The following MYO5B variants were observed in gnomAD, a reference collection of about 807,000 sequenced individuals.
MYO5B encodes unconventional myosin-Vb.
MYO5B carries 143 observed loss-of-function variants against 229.3 expected under a neutral mutation model. The observed-to-expected ratio is 0.62, with a 90% CI of 0.54 to 0.72. MYO5B has a LOEUF of 0.72. MYO5B is among the 30% of genes least tolerant of loss of function. MYO5B has a pLI of 0.00. For synonymous variants in MYO5B, 918 were observed against 885.2 expected (o/e 1.04, Z -0.66); for missense variants, 2,321 against 2,331.0 (o/e 1.00, Z 0.09).
chr18:49,937,390 A>G lies in MYO5B; in HGVS notation c.1760T>C (p.Leu587Pro), dbSNP rs750054708. ...GTCATCATGAAACAAGTCAGCCACT[A>G]GTGGGAACTAGAAACAATCACAGGA... ...INILKASKFP[L>P]VADLFHDDKD... The change falls in exon 15 of 40, where the codon CTA becomes CCA. Residue 587 changes from leucine (L) to proline (P), a missense_variant. This residue lies in a region of MYO5B where 2,113 missense variants were observed against 2,044.7 expected (regional missense o/e 1.03). Transcript: ENST00000285039. 3.1e-6 allele frequency: 5 copies of G among 1,614,050 alleles called. No homozygotes were observed. The highest frequency in any genetic ancestry group is 4.2e-6 in the Non-Finnish European group (5 of 1,179,912).
At chr18:49,978,273 G>C (rs930362583) in intron 9 of MYO5B, among the ~76,000 whole-genome samples, 1 of 152,174 alleles carries the variant, frequency 6.6e-6, no homozygotes, top group South Asian at 2.1e-4. Context: ...ACTAGAGGGA[G>C]AACAGTGAGC....
At chr18:50,065,362 A>C (rs1013089410) in intron 1 of MYO5B, among the ~76,000 whole-genome samples, 1 of 152,178 alleles carries the variant, frequency 6.6e-6, no homozygotes, top group Non-Finnish European at 1.5e-5. Flanking sequence ...GAGCCTGGGT[A>C]ACTTATAAGG....
At chr18:50,109,840 A>G (rs952584066) in intron 1 of MYO5B, among the ~76,000 whole-genome samples, 15 of 152,162 alleles carry the variant, frequency 9.9e-5, no homozygotes, top group Non-Finnish European at 2.2e-4. Context: ...CCTCCATACT[A>G]CAACATAAAC....
intron 26 of MYO5B, among the ~76,000 whole-genome samples, chr18:49,873,475 G>A (rs564327164): frequency 2.6e-5 from 4 of 152,162 alleles, no homozygotes; most frequent in Admixed American, 6.5e-5. Context: ...TACAGTTACC[G>A]CACTGTTTCC....
intron 6 of MYO5B, among the ~76,000 whole-genome samples, chr18:49,990,933 C>T (rs2025924989): frequency 6.6e-6 from 1 of 151,732 alleles, no homozygotes; most frequent in African/African-American, 2.4e-5. Flanking sequence ...GGAAGCTGTG[C>T]TTGCCCATCA....
chr18:49,933,100 C>T (rs1272783745), intron 16 of MYO5B, among the ~76,000 whole-genome samples: 1 of 152,200 alleles, frequency 6.6e-6, no homozygotes, highest in Admixed American at 6.5e-5. Context: ...TCCACAATTG[C>T]CCGCCATGGA....
intron 17 of MYO5B, among the ~76,000 whole-genome samples, chr18:49,912,756 T>G (rs1232849556): frequency 6.6e-6 from 1 of 152,234 alleles, no homozygotes; most frequent in Non-Finnish European, 1.5e-5. Flanking sequence ...GCTCCTTTTC[T>G]TTATAAATTA....
chr18:50,090,124 C>T (rs1289792902), intron 1 of MYO5B, among the ~76,000 whole-genome samples: 2 of 152,118 alleles, frequency 1.3e-5, no homozygotes, highest in Admixed American at 6.5e-5. Flanking sequence ...ATTAAATTAT[C>T]CACTCCTTAA....
chr18:49,877,695 G>T, intron 25 of MYO5B, 68 bp downstream of exon 25: 1 of 1,606,320 alleles, frequency 6.2e-7, no homozygotes, highest in Non-Finnish European at 8.5e-7. Context: ...CTCTTGGACA[G>T]TTCCACACAG....
At chr18:49,929,694 T>TACTTCACATGCTGCAG in intron 16 of MYO5B, 96 bp from the exon 17 acceptor site, 2 of 1,067,080 alleles carry the variant, frequency 1.9e-6, no homozygotes, top group Non-Finnish European at 2.8e-6. Flanking sequence ...CTGCAGCATG[T>TACTTCACATGCTGCAG]GAAGTACCTG....
chr18:49,949,329 T>C (rs983466481), intron 14 of MYO5B, among the ~76,000 whole-genome samples: 7 of 84,818 alleles, frequency 8.3e-5, no homozygotes, highest in African/African-American at 5.9e-4. Context: ...ACTGGAAAAC[T>C]GGAAAAAAAA....
At chr18:50,074,452 A>T (rs2031031691) in intron 1 of MYO5B, among the ~76,000 whole-genome samples, 1 of 152,174 alleles carries the variant, frequency 6.6e-6, no homozygotes, top group African/African-American at 2.4e-5. Context: ...CCACTGCATT[A>T]ATAGAACCTG....
intron 2 of MYO5B, among the ~76,000 whole-genome samples, chr18:50,043,674 TTATAAATATA>T (rs1338759189): frequency 3.6e-5 from 5 of 139,124 alleles, no homozygotes; most frequent in Non-Finnish European, 6.1e-5. Context: ...TAAAATATAT[TTATAAATATA>T]TATAAATATA....
chr18:49,876,121 A>G, intron 25 of MYO5B: 1 of 420,326 alleles, frequency 2.4e-6, no homozygotes, highest in East Asian at 5.3e-5. Flanking sequence ...ATGGATAAAA[A>G]CACAGGCACT....
intron 8 of MYO5B, among the ~76,000 whole-genome samples, chr18:49,980,781 G>A (rs1311478226): frequency 2.0e-5 from 3 of 151,928 alleles, no homozygotes; most frequent in East Asian, 1.9e-4. Flanking sequence ...CACTATGATC[G>A]TCCTGACCAA....
At chr18:50,138,914 C>T (rs2032376855) in intron 1 of MYO5B, among the ~76,000 whole-genome samples, 1 of 152,222 alleles carries the variant, frequency 6.6e-6, no homozygotes, top group Non-Finnish European at 1.5e-5. Flanking sequence ...CCACCATCCC[C>T]ATGGCCCACC....
Position 49,984,713 on chromosome 18 carries a change from C to T in MYO5B, c.946+5G>A, listed in dbSNP as rs779691487. 3 of 1,602,074 alleles carry T rather than the reference C, an allele frequency of 1.9e-6. No homozygotes were observed. Among genetic ancestry groups the T allele is most frequent in the Non-Finnish European group, 2.6e-6 (3 of 1,169,038 alleles). On this transcript the variant is annotated splice_donor_5th_base_variant and intron_variant, in intron 8 of 39. Coordinates refer to ENST00000285039, the MANE Select transcript of MYO5B (RefSeq NM_001080467.3). ...GCCTGCTTCCCCAACTAAGAAGCTC[C>T]TTACCGAGGAGTGTGAAGGCTTGTC... is the stretch of plus-strand genomic sequence containing the variant.
At chr18:50,025,438 C>T (rs1225598769) in intron 4 of MYO5B, among the ~76,000 whole-genome samples, 1 of 152,194 alleles carries the variant, frequency 6.6e-6, no homozygotes, top group Non-Finnish European at 1.5e-5. Flanking sequence ...GCCCGGAACT[C>T]CTCAAGGAGG....
chr18:49,906,669 G>A, intron 18 of MYO5B, 39 bp from the exon 19 acceptor site: 1 of 1,560,388 alleles, frequency 6.4e-7, no homozygotes, highest in Non-Finnish European at 8.8e-7. Context: ...GGTCACCAGT[G>A]AGCAGAGAAA....
Sources: allele counts gnomAD v4.1 joint callset (sites outside exome capture counted in the v4.1 genomes callset), GRCh38; gene constraint gnomAD v4.1.1; regional missense constraint gnomAD v4.1.1; transcripts MANE v1.5; gene names NCBI Gene and HGNC (gene_info 2026-07-23, HGNC 2026-07-21).